MAP2: variants seen among roughly 807,000 people sequenced by gnomAD.
MAP2 encodes microtubule associated protein 2.
A neutral mutation model predicts 137.6 loss-of-function variants in MAP2; 14 were observed. The ratio of observed to expected loss-of-function variants is 0.10; its 90% CI spans 0.07 to 0.16. The LOEUF is 0.16. MAP2 is among the 10% of genes least tolerant of loss of function. MAP2 has a pLI of 1.00. For missense variants in MAP2, 2,088 were observed against 2,191.5 expected (o/e 0.95, Z 0.94); for synonymous variants, 786 against 782.3 (o/e 1.00, Z -0.08).
chr2:209,652,961 G>A (rs1378125952), intron 4 of MAP2, among the ~76,000 whole-genome samples, 181 bp from the exon 5 acceptor site: 1 of 152,010 alleles, frequency 6.6e-6, no homozygotes, highest in Non-Finnish European at 1.5e-5. Flanking sequence ...TCCAGAAATG[G>A]TCTGTAAAAC....
At chr2:209,502,384 C>T (rs1043371209) in intron 1 of MAP2, among the ~76,000 whole-genome samples, 1 of 152,070 alleles carries the variant, frequency 6.6e-6, no homozygotes, top group Non-Finnish European at 1.5e-5. Context: ...ACCATAATGC[C>T]GTTCAGGTTT....
intron 1 of MAP2, among the ~76,000 whole-genome samples, chr2:209,444,384 TTTG>T (rs752410357): frequency 2.6e-5 from 4 of 151,612 alleles, no homozygotes; most frequent in Non-Finnish European, 4.4e-5. Context: ...GGTGAACATT[TTTG>T]TTGTACTAAT....
At position 209,731,504 on chromosome 2, in the gene MAP2, A is replaced by C. The variant is rs147770023; in HGVS notation, c.*1107A>C. The C allele has an allele frequency of 1.3e-5, 2 of 152,718 alleles. No homozygotes were observed. The highest frequency in any genetic ancestry group is 4.8e-5 in the African/African-American group (2 of 41,564). The allele number at this position is 152,718 out of a possible 1,614,324, so 9.5% of individuals were successfully genotyped here. A position where few individuals can be genotyped will look rare whatever the true frequency, so the allele number is the denominator to read the frequency against. ...TTTGTGGGGGTGGGTCCAGTTATAC[A>C]TGAAAGGGTTTACAGATTGTTGGTT... On this transcript the variant is annotated 3_prime_UTR_variant, in exon 16 of 16. Coordinates refer to ENST00000682079, the MANE Select transcript of MAP2 (RefSeq NM_001375505.1).
chr2:209,633,966 G>T (rs1005747122), intron 4 of MAP2, among the ~76,000 whole-genome samples: 4 of 152,196 alleles, frequency 2.6e-5, no homozygotes, highest in Non-Finnish European at 5.9e-5. Context: ...GCTGTCCTAA[G>T]ATTCCCTGAA....
At chr2:209,725,325 AT>A (rs2073489491) in intron 13 of MAP2, among the ~76,000 whole-genome samples, 1 of 152,184 alleles carries the variant, frequency 6.6e-6, no homozygotes, top group Non-Finnish European at 1.5e-5. Context: ...GGTCACTTTT[AT>A]GTAAAAATCA....
At chr2:209,538,499 G>T (rs1021504568) in intron 2 of MAP2, among the ~76,000 whole-genome samples, 2 of 147,516 alleles carry the variant, frequency 1.4e-5, no homozygotes, top group African/African-American at 5.0e-5. Context: ...CAAAACTCAA[G>T]AAATCAGCAG....
chr2:209,507,432 T>C (rs1158122108), intron 1 of MAP2, among the ~76,000 whole-genome samples, 160 bp from the exon 2 acceptor site: 1 of 152,136 alleles, frequency 6.6e-6, no homozygotes, highest in Non-Finnish European at 1.5e-5. Context: ...AGTTGTATTA[T>C]ACATAACCGT....
intron 14 of MAP2, among the ~76,000 whole-genome samples, chr2:209,727,033 AAGAT>A (rs545650807): frequency 2.9e-4 from 44 of 152,368 alleles, no homozygotes; most frequent in African/African-American, 1.0e-3. Flanking sequence ...TTGAAAAACA[AAGAT>A]AGGTAGAATA....
intron 1 of MAP2, among the ~76,000 whole-genome samples, chr2:209,456,952 C>A (rs1701673767): frequency 6.6e-6 from 1 of 152,028 alleles, no homozygotes; most frequent in African/African-American, 2.4e-5. Flanking sequence ...AAATTGGTGG[C>A]CCACTTCTTC....
intron 1 of MAP2, among the ~76,000 whole-genome samples, chr2:209,452,319 T>A (rs190391484): frequency 4.6e-5 from 7 of 152,306 alleles, no homozygotes; most frequent in Non-Finnish European, 8.8e-5. Context: ...TCTTCAAGGA[T>A]GTAAAACCCA....
chr2:209,583,564 A>G (rs1301652545), intron 3 of MAP2, among the ~76,000 whole-genome samples: 1 of 152,048 alleles, frequency 6.6e-6, no homozygotes, highest in Non-Finnish European at 1.5e-5. Context: ...GGCCATGGGC[A>G]GAGTAAAAAT....
rs543539867 is a variant in MAP2, at chr2:209,596,299, G to A, written c.-107+16199G>A. On this transcript the variant is annotated intron_variant, in intron 3 of 15. Transcript: ENST00000682079. ...ATTATTAAAACACAGCATCTTTATT[G>A]ATAGCCTTTATTCTTACGAATAAAC... Among the ~76,000 whole-genome samples the A allele has an allele frequency of 2.0e-5, 3 of 152,202 alleles. No individual in the cohort carries two copies. The South Asian group carries it at 6.2e-4, about 32-fold the overall frequency.
chr2:209,488,978 C>T (rs563060660), intron 1 of MAP2, among the ~76,000 whole-genome samples: 19 of 152,298 alleles, frequency 1.2e-4, no homozygotes, highest in African/African-American at 4.3e-4. Flanking sequence ...CCCTGACCCC[C>T]GTGCCACCTA....
At chr2:209,490,299 AC>A (rs2058918250) in intron 1 of MAP2, among the ~76,000 whole-genome samples, 1 of 152,142 alleles carries the variant, frequency 6.6e-6, no homozygotes, top group Non-Finnish European at 1.5e-5. Flanking sequence ...GCAAGGAAAA[AC>A]CGGTACCAGA....
At chr2:209,521,836 C>T (rs1224316131) in intron 2 of MAP2, among the ~76,000 whole-genome samples, 1 of 152,068 alleles carries the variant, frequency 6.6e-6, no homozygotes, top group East Asian at 1.9e-4. Flanking sequence ...TTCATAGGTA[C>T]TAAAGCTCCT....
At chr2:209,473,300 GC>G (rs1210964231) in intron 1 of MAP2, among the ~76,000 whole-genome samples, 1 of 152,054 alleles carries the variant, frequency 6.6e-6, no homozygotes, top group Non-Finnish European at 1.5e-5. Flanking sequence ...AGTGGTCTGT[GC>G]CTTTCTACTC....
At chr2:209,474,041 C>A (rs1336174081) in intron 1 of MAP2, among the ~76,000 whole-genome samples, 1 of 152,166 alleles carries the variant, frequency 6.6e-6, no homozygotes, top group Non-Finnish European at 1.5e-5. Context: ...ATTCCACAAA[C>A]CTGATTCATG....
chr2:209,659,256 T>C (rs1439276044), intron 5 of MAP2, among the ~76,000 whole-genome samples: 1 of 152,248 alleles, frequency 6.6e-6, no homozygotes, highest in Non-Finnish European at 1.5e-5. Context: ...TGAGTGTATT[T>C]TTTTTTCTTG....
At chr2:209,676,297 G>T in intron 5 of MAP2, among the ~76,000 whole-genome samples, 1 of 151,786 alleles carries the variant, frequency 6.6e-6, no homozygotes, top group Non-Finnish European at 1.5e-5. Context: ...ACCAAATATT[G>T]CATGTTCTCA....
Sources: allele counts gnomAD v4.1 joint callset (sites outside exome capture counted in the v4.1 genomes callset), GRCh38; gene constraint gnomAD v4.1.1; transcripts MANE v1.5; gene names NCBI Gene and HGNC (gene_info 2026-07-23, HGNC 2026-07-21).